GPRC5B: variants seen among roughly 807,000 people sequenced by gnomAD.
GPRC5B encodes the protein G protein-coupled receptor family C group 5 member B.
A neutral mutation model predicts 30.1 loss-of-function variants in GPRC5B; 16 were observed. That is an observed-to-expected ratio of 0.53 (90% CI 0.36 to 0.81). The LOEUF is 0.81. GPRC5B is among the 30% of genes least tolerant of loss of function. The probability of loss-of-function intolerance (pLI) is 0.01; values close to 1 mark genes in which losing one functional copy is unlikely to be tolerated. For synonymous variants in GPRC5B, 241 were observed against 239.5 expected, an observed-to-expected ratio of 1.01 and a Z score of -0.06; for missense variants, 428 against 544.7, an observed-to-expected ratio of 0.79 and a Z score of 2.13.
In GPRC5B at chr16:19,884,176, G is replaced by A. The variant is rs565592714; in HGVS notation, c.-2+551C>T. The stretch of plus-strand genomic sequence containing the variant: ...GGTCTCAGCTCTGCCATCTCCCACC[G>A]CCGTGTCCCCCCCTCCCCTTGCTGA... On this transcript the variant is annotated intron_variant, in intron 1 of 3. Coordinates refer to ENST00000300571, the MANE Select transcript of GPRC5B (RefSeq NM_016235.3). 9.6e-4 allele frequency among the ~76,000 whole-genome samples: 108 copies of A among 112,910 alleles called. 1 individual carries two copies. The highest frequency in any genetic ancestry group is 5.2e-3 in the Middle Eastern group (1 of 192). 74.1% of individuals were successfully genotyped at this position (112,910 alleles called of 152,430 possible).
Position 19,884,816 on chromosome 16 carries a change from C to G in GPRC5B, c.-91G>C. 1 of 984,262 alleles carries G rather than the reference C, an allele frequency of 1.0e-6. No individual in the cohort carries two copies. The highest frequency in any genetic ancestry group is 1.2e-6 in the Non-Finnish European group (1 of 829,500). 61.0% of individuals were successfully genotyped at this position (984,262 alleles called of 1,614,324 possible). On this transcript the variant is annotated 5_prime_UTR_variant, in exon 1 of 4. Transcript: ENST00000300571. ...GCGCGGCCGCGGCCCCCGCTCCACG[C>G]ACGCCCGCCTGCGGGTCCAGCTTCA...
chr16:19,873,459 G>A (rs1419669325), intron 1 of GPRC5B, among the ~76,000 whole-genome samples: 11 of 139,826 alleles, frequency 7.9e-5, no homozygotes, highest in East Asian at 6.3e-4. Flanking sequence ...GCTAGACTCC[G>A]TCTCCAAAAA....
chr16:19,883,576 T>G (rs1270574084), intron 1 of GPRC5B, among the ~76,000 whole-genome samples: 1 of 152,176 alleles, frequency 6.6e-6, no homozygotes, highest in Non-Finnish European at 1.5e-5. Flanking sequence ...CCACTTCTCT[T>G]GTCTTTGCGG....
chr16:19,864,139 G>T (rs2056648799), intron 2 of GPRC5B, among the ~76,000 whole-genome samples: 2 of 152,184 alleles, frequency 1.3e-5, no homozygotes, highest in South Asian at 2.1e-4. Flanking sequence ...AAGACAAGAG[G>T]TCCCCTTAGG....
intron 2 of GPRC5B, among the ~76,000 whole-genome samples, chr16:19,862,672 A>G (rs567423851): frequency 6.6e-6 from 1 of 152,256 alleles, no homozygotes; most frequent in South Asian, 2.1e-4. Flanking sequence ...TAATCCTAGC[A>G]TTTTGGGAGG....
At chr16:19,868,217 A>G (rs1166337997) in intron 2 of GPRC5B, among the ~76,000 whole-genome samples, 2 of 151,944 alleles carry the variant, frequency 1.3e-5, no homozygotes, top group Non-Finnish European at 2.9e-5. Context: ...TCTACTAAAA[A>G]TACAAAATTA....
Position 19,858,460 on chromosome 16 carries a change from A to T in GPRC5B, c.*2040T>A, listed in dbSNP as rs1169147510. On this transcript the variant is annotated 3_prime_UTR_variant, in exon 4 of 4. Transcript: ENST00000300571. ...TATGCTTGGACAATAAAGAACTTAG[A>T]AAACGAACGTGTGAATTGCTCCATC... The T allele has an allele frequency of 1.5e-6, 1 of 676,812 alleles. No individual in the cohort carries two copies. Among genetic ancestry groups the T allele is most frequent in the Non-Finnish European group, 2.7e-6 (1 of 372,340 alleles). The allele number at this position is 676,812 out of a possible 1,614,324, so 41.9% of individuals were successfully genotyped here. A position where few individuals can be genotyped will look rare whatever the true frequency, so the allele number is the denominator to read the frequency against.
Position 19,858,000 on chromosome 16 carries a change from C to T in GPRC5B, c.*2500G>A, listed in dbSNP as rs2056583739. ...CCAGACACGGAACAATTTGTGCTTACAATGAGAGATTTTGATCACAGATGC... is the reference window on the plus strand; with the variant it reads ...CCAGACACGGAACAATTTGTGCTTATAATGAGAGATTTTGATCACAGATGC... On this transcript the variant is annotated 3_prime_UTR_variant, in exon 4 of 4. Coordinates refer to ENST00000300571, the MANE Select transcript of GPRC5B (RefSeq NM_016235.3). The T allele has an allele frequency of 6.5e-6, 1 of 152,756 alleles. No individual in the cohort carries two copies. The highest frequency in any genetic ancestry group is 2.1e-4 in the South Asian group (1 of 4,844). 9.5% of individuals were successfully genotyped at this position (152,756 alleles called of 1,614,324 possible). A position where few individuals can be genotyped will look rare whatever the true frequency, so the allele number is the denominator to read the frequency against.
At position 19,871,897 on chromosome 16, in the gene GPRC5B, C is replaced by T. The variant is rs1567209570; in HGVS notation, c.949G>A (p.Glu317Lys). ...TGCACGTCCTCCTCGAAGGCCGTCT[C>T]CCGCATCCTGGGCTGCGACGTGTCG... ...YFDTSQPRMR[E>K]TAFEEDVQLP... The change falls in exon 2 of 4, where the codon GAG becomes AAG. Residue 317 changes from glutamate (E) to lysine (K), a missense_variant. Glu to Lys is a moderately conservative substitution (Grantham distance 56, BLOSUM62 1). Around this residue, in one of 3 missense-constraint regions of GPRC5B, gnomAD observed 213 missense variants for 229.1 expected, o/e 0.93. Coordinates refer to ENST00000300571, the MANE Select transcript of GPRC5B (RefSeq NM_016235.3). The T allele has an allele frequency of 1.9e-6, 3 of 1,613,962 alleles. No homozygotes were observed. The highest frequency in any genetic ancestry group is 3.3e-5 in the Admixed American group (2 of 60,004).
Position 19,860,339 on chromosome 16 carries a change from G to T in GPRC5B, c.*161C>A. 1.6e-6 allele frequency: 1 copy of T among 606,458 alleles called. No homozygotes were observed. The highest frequency in any genetic ancestry group is 2.9e-6 in the Non-Finnish European group (1 of 339,082). The allele number at this position is 606,458 out of a possible 1,614,324, so 37.6% of individuals were successfully genotyped here. A position where few individuals can be genotyped will look rare whatever the true frequency, so the allele number is the denominator to read the frequency against. ...TCGGTGTTAGCTTTTCAGTTCGTCAGTGTTCACATTTACACGAAATCCCCT... is the reference window on the plus strand; with the variant it reads ...TCGGTGTTAGCTTTTCAGTTCGTCATTGTTCACATTTACACGAAATCCCCT... On this transcript the variant is annotated 3_prime_UTR_variant, in exon 4 of 4. Coordinates refer to ENST00000300571, the MANE Select transcript of GPRC5B (RefSeq NM_016235.3).
At chr16:19,879,462 C>T (rs886864515) in intron 1 of GPRC5B, among the ~76,000 whole-genome samples, 8 of 152,074 alleles carry the variant, frequency 5.3e-5, no homozygotes, top group Admixed American at 1.3e-4. Flanking sequence ...CACGCGCATG[C>T]ACGCACTCTG....
chr16:19,872,232 A>T lies in GPRC5B; in HGVS notation c.614T>A (p.Ile205Asn), dbSNP rs757483412. 1 of 1,614,164 alleles carries T rather than the reference A, an allele frequency of 6.2e-7. No homozygotes were observed. The highest frequency in any genetic ancestry group is 8.5e-7 in the Non-Finnish European group (1 of 1,180,038). ...GACCACAAGCAGTACCATGTCGTAG[A>T]TGAGGGCCATCACAAAGTCCATGGG... ...YEPMDFVMAL[I>N]YDMVLLVVTL... is the part of the protein sequence containing the mutation. Residue 205 changes from isoleucine to asparagine, a missense_variant, in exon 2 of 4, where the codon ATC becomes AAC. Physicochemically the swap from Ile to Asn is moderately radical, Grantham distance 149. Around this residue, in one of 3 missense-constraint regions of GPRC5B, gnomAD observed 213 missense variants for 229.1 expected, o/e 0.93. Transcript: ENST00000300571. The surrounding 1 kb of genome is among the most constrained non-coding windows in gnomAD (Gnocchi z 5.0).
Position 19,872,097 on chromosome 16 carries a change from C to T in GPRC5B, c.749G>A (p.Trp250Ter). 10 of 1,614,100 alleles carry T rather than the reference C, an allele frequency of 6.2e-6. No homozygotes were observed. The highest frequency in any genetic ancestry group is 8.5e-6 in the Non-Finnish European group (10 of 1,179,990). Residue 250 changes from tryptophan to a stop codon, truncating the protein, a stop_gained, in exon 2 of 4, where the codon TGG (tryptophan) becomes TAG (stop). Coordinates refer to ENST00000300571, the MANE Select transcript of GPRC5B (RefSeq NM_016235.3). LOFTEE classifies it high-confidence loss of function. This position sits in a 1 kb window ranked among gnomAD's most constrained non-coding sequence, Gnocchi z 5.0. ...ATTGCCGAAGAGGTACATGGTCATC[C>T]AGGCCACCCAGATGAGCACAGAGAG... ...AFLSVLIWVA[W>*]MTMYLFGNVK...
chr16:19,864,526 A>G (rs539215390), intron 2 of GPRC5B, among the ~76,000 whole-genome samples: 10 of 152,396 alleles, frequency 6.6e-5, no homozygotes, highest in African/African-American at 2.4e-4. Flanking sequence ...GGAAGGATAT[A>G]GGGTGTGGAG....
chr16:19,857,470 C>G lies in GPRC5B; in HGVS notation c.*3030G>C, dbSNP rs775932697. 2.3e-6 allele frequency: 1 copy of G among 437,454 alleles called. No homozygotes were observed. Among genetic ancestry groups the G allele is most frequent in the South Asian group, 1.7e-5 (1 of 59,696 alleles). The allele number at this position is 437,454 out of a possible 1,614,324, so 27.1% of individuals were successfully genotyped here. On this transcript the variant is annotated 3_prime_UTR_variant, in exon 4 of 4. Coordinates refer to ENST00000300571, the MANE Select transcript of GPRC5B (RefSeq NM_016235.3). ...TTTTTATAAGTATGCAACAGTCAGC[C>G]GGGGGAAGATAAAGGTACATTATAA...
chr16:19,863,944 C>T (rs572037846), intron 2 of GPRC5B, among the ~76,000 whole-genome samples: 78 of 152,216 alleles, frequency 5.1e-4, no homozygotes, highest in African/African-American at 1.9e-3. Context: ...AACCCCCCCG[C>T]AACCTTGATC....
intron 2 of GPRC5B, among the ~76,000 whole-genome samples, chr16:19,869,333 CA>C (rs35252104): frequency 0.12 from 7,380 of 62,040 alleles, 179 homozygotes; most frequent in South Asian, 0.31. Context: ...GACTCTGCCT[CA>C]AAAAAAAAAA....
chr16:19,866,045 G>A (rs764450715), intron 2 of GPRC5B, among the ~76,000 whole-genome samples: 2 of 151,978 alleles, frequency 1.3e-5, no homozygotes, highest in Non-Finnish European at 2.9e-5. Flanking sequence ...TTCTGCCTCA[G>A]CCTTCCGAGA....
chr16:19,872,027 G>A lies in GPRC5B; in HGVS notation c.819C>T (p.Ala273=), dbSNP rs1165594627. Residue 273 remains alanine, a synonymous_variant, in exon 2 of 4, where the codon GCC becomes GCT. Transcript: ENST00000300571. This position sits in a 1 kb window ranked among gnomAD's most constrained non-coding sequence, Gnocchi z 5.0. ...QGDAWNDPTL[A]ITLAASGWVF... ...CCCAGCCGCTGGCCGCCAGCGTGAT[G>A]GCCAAGGTGGGGTCGTTCCAGGCAT... The A allele has an allele frequency of 1.2e-6, 2 of 1,613,930 alleles. No individual in the cohort carries two copies. The highest frequency in any genetic ancestry group is 2.2e-5 in the East Asian group (1 of 44,884).
Sources: gnomAD v4.1 joint callset for allele counts (sites outside exome capture counted in the v4.1 genomes callset) on GRCh38, gnomAD v4.1.1 for gene constraint, gnomAD v4.1.1 regional missense constraint, Gnocchi (gnomAD v3.1) non-coding constraint, MANE v1.5 for transcripts, NCBI Gene and HGNC (gene_info 2026-07-23, HGNC 2026-07-21) for gene names.